Variants in RBPJ observed in about 807,000 individuals in gnomAD.
RBPJ encodes the protein recombination signal binding protein for immunoglobulin kappa J region, also known as recombining binding protein suppressor of hairless.
Under a neutral mutation model 67.8 loss-of-function variants are expected in RBPJ, and 9 were observed. The ratio of observed to expected loss-of-function variants is 0.13; its 90% CI spans 0.08 to 0.23. The LOEUF (loss-of-function observed/expected upper bound fraction) is 0.23, where lower values mean the gene tolerates loss of function less well. Among genes scored for constraint, RBPJ ranks in the 10% least tolerant of loss-of-function variants. The pLI is 1.00. For missense variants in RBPJ, 305 were observed against 595.6 expected (o/e 0.51, Z 5.08); for synonymous variants, 198 against 203.3 (o/e 0.97, Z 0.22).
intron 1 of RBPJ, among the ~76,000 whole-genome samples, chr4:26,208,197 T>C (rs536193833): frequency 6.6e-6 from 1 of 152,370 alleles, no homozygotes; most frequent in African/African-American, 2.4e-5. Flanking sequence ...ATTTCAGTCC[T>C]TAAAACATCC....
At chr4:26,349,242 A>T (rs187557960) in intron 1 of RBPJ, among the ~76,000 whole-genome samples, 1 of 151,878 alleles carries the variant, frequency 6.6e-6, no homozygotes, top group East Asian at 1.9e-4. Flanking sequence ...TAATGTTTTT[A>T]AAATTTTTTT....
intron 1 of RBPJ, among the ~76,000 whole-genome samples, chr4:26,295,582 T>G (rs1202363969): frequency 6.6e-6 from 1 of 152,074 alleles, no homozygotes; most frequent in African/African-American, 2.4e-5. Context: ...GAGGAAAGAA[T>G]GGGTAGAGAT....
intron 3 of RBPJ, chr4:26,409,987 T>A: frequency 2.2e-6 from 1 of 445,754 alleles, no homozygotes. Context: ...AGACCTGCAT[T>A]ACTTTATGAT....
At chr4:26,164,712 G>A (rs1413465082) in intron 1 of RBPJ, among the ~76,000 whole-genome samples, 1 of 152,150 alleles carries the variant, frequency 6.6e-6, no homozygotes, top group Non-Finnish European at 1.5e-5. Flanking sequence ...TCAGCCAATG[G>A]ATTCCAAAAG....
chr4:26,388,771 A>G (rs1160193251), intron 2 of RBPJ, among the ~76,000 whole-genome samples: 2 of 152,234 alleles, frequency 1.3e-5, no homozygotes, highest in African/African-American at 4.8e-5. Flanking sequence ...ACAAAGAAAA[A>G]GTCTGAAAAA....
At chr4:26,124,497 G>A in the RBPJ span, among the ~76,000 whole-genome samples, 2 of 138,382 alleles carry the variant, frequency 1.4e-5, no homozygotes, top group South Asian at 4.7e-4. Context: ...TTAATGGGCA[G>A]TTGGGTTGGT....
chr4:26,401,127 A>G (rs944432636), intron 2 of RBPJ, among the ~76,000 whole-genome samples: 3 of 152,326 alleles, frequency 2.0e-5, no homozygotes, highest in African/African-American at 7.2e-5. Context: ...GGCTACTGAC[A>G]CTTGCTTTCT....
intron 1 of RBPJ, among the ~76,000 whole-genome samples, chr4:26,257,675 G>T (rs908683782): frequency 6.6e-6 from 1 of 152,146 alleles, no homozygotes; most frequent in Non-Finnish European, 1.5e-5. Flanking sequence ...GACATATGCT[G>T]CCCCTCTATG....
chr4:26,278,859 T>C (rs1336849443), intron 1 of RBPJ, among the ~76,000 whole-genome samples: 2 of 152,182 alleles, frequency 1.3e-5, no homozygotes, highest in African/African-American at 2.4e-5. Flanking sequence ...GAGTTCCACT[T>C]ACATGATATC....
chr4:26,189,164 C>T (rs1717385387), intron 1 of RBPJ, among the ~76,000 whole-genome samples: 1 of 152,158 alleles, frequency 6.6e-6, no homozygotes, highest in African/African-American at 2.4e-5. Context: ...CTGCAGTGAG[C>T]TATGATCATG....
At chr4:26,405,256 A>G (rs982261943) in intron 2 of RBPJ, among the ~76,000 whole-genome samples, 3 of 152,314 alleles carry the variant, frequency 2.0e-5, no homozygotes, top group Admixed American at 1.3e-4. Context: ...AAGTCCTCAC[A>G]TTTAATAACG....
chr4:26,321,059 G>A lies in RBPJ; in HGVS notation c.20+11G>A, dbSNP rs1722975262. The A allele has an allele frequency of 1.3e-6, 2 of 1,599,396 alleles. No homozygotes were observed. Among genetic ancestry groups the A allele is most frequent in the Non-Finnish European group, 1.7e-6 (2 of 1,167,838 alleles). On this transcript the variant is annotated intron_variant, in intron 1 of 10. Transcript: ENST00000355476. ...GCCTGTTGTGACAGGGTAAGTCTGA[G>A]GGAATCGGAGCGCCGGGAACCGGGA...
At chr4:26,132,005 T>C in the RBPJ span, among the ~76,000 whole-genome samples, 1 of 152,118 alleles carries the variant, frequency 6.6e-6, no homozygotes, top group African/African-American at 2.4e-5. Context: ...TTTGGAGTAT[T>C]ATAGTATTTT....
intron 1 of RBPJ, among the ~76,000 whole-genome samples, chr4:26,247,840 GGAGTA>G (rs1359295434): frequency 6.6e-6 from 1 of 152,142 alleles, no homozygotes; most frequent in African/African-American, 2.4e-5. Context: ...GAAATTCCAA[GGAGTA>G]GAGAGGAAGG....
chr4:26,157,107 ACAAAC>A, the RBPJ span, among the ~76,000 whole-genome samples: 4 of 91,226 alleles, frequency 4.4e-5, no homozygotes, highest in East Asian at 2.3e-4. Context: ...ACAAAAACAA[ACAAAC>A]AAACAAAAAA....
rs375356792 is a variant in RBPJ, at chr4:26,365,598, A to G, written c.21-20755A>G. Among the ~76,000 whole-genome samples, 17 of 152,324 alleles carry G rather than the reference A, an allele frequency of 1.1e-4. No individual in the cohort carries two copies. In the South Asian group the frequency reaches 2.3e-3, roughly 20 times the overall value. ...TTATCAAAAGATTGAAATAAAATAT[A>G]TCCACATTTATGTGGATATTGTTTA... On this transcript the variant is annotated intron_variant, in intron 1 of 10. Transcript: ENST00000355476.
chr4:26,253,437 G>A (rs147435622), intron 1 of RBPJ, among the ~76,000 whole-genome samples: 2,619 of 145,072 alleles, frequency 0.018, 268 homozygotes, highest in African/African-American at 0.067. Flanking sequence ...TCAGCCTCCC[G>A]AGTAGCTGGG....
At chr4:26,337,823 A>G (rs1725030915) in intron 1 of RBPJ, among the ~76,000 whole-genome samples, 1 of 151,620 alleles carries the variant, frequency 6.6e-6, no homozygotes, top group Non-Finnish European at 1.5e-5. Context: ...AGTAGCTGAG[A>G]CCACAAGCAT....
chr4:26,231,414 C>CTT (rs368580629), intron 1 of RBPJ, among the ~76,000 whole-genome samples: 3 of 142,134 alleles, frequency 2.1e-5, no homozygotes, highest in Admixed American at 7.1e-5. Flanking sequence ...TTTAATTGCA[C>CTT]TTTTTTTTTT....
Sources: gnomAD v4.1 joint callset for allele counts (sites outside exome capture counted in the v4.1 genomes callset) on GRCh38, gnomAD v4.1.1 for gene constraint, MANE v1.5 for transcripts, NCBI Gene and HGNC (gene_info 2026-07-23, HGNC 2026-07-21) for gene names.